The following EBF1 variants were observed in gnomAD, a reference collection of about 807,000 sequenced individuals.
EBF1 encodes EBF transcription factor 1, also known as transcription factor COE1.
EBF1 carries 10 observed loss-of-function variants against 68.4 expected under a neutral mutation model. The ratio of observed to expected loss-of-function variants is 0.15; its 90% CI spans 0.09 to 0.25. The LOEUF (loss-of-function observed/expected upper bound fraction) is 0.25, where lower values mean the gene tolerates loss of function less well. EBF1 is among the 10% of genes least tolerant of loss of function. EBF1 has a pLI of 1.00. For missense variants in EBF1, 509 were observed against 794.4 expected (o/e 0.64, Z 4.32); for synonymous variants, 298 against 299.8 (o/e 0.99, Z 0.06).
At chr5:158,823,901 T>C (rs1214753241) in intron 7 of EBF1, among the ~76,000 whole-genome samples, 1 of 151,054 alleles carries the variant, frequency 6.6e-6, no homozygotes. Context: ...CCCCAAAAAA[T>C]TCCTGCTAAT....
At chr5:158,868,384 G>T (rs914416577) in intron 6 of EBF1, among the ~76,000 whole-genome samples, 4 of 152,106 alleles carry the variant, frequency 2.6e-5, no homozygotes, top group Admixed American at 2.0e-4. Context: ...CTCCAAACAT[G>T]TTTTTATTAC....
intron 6 of EBF1, among the ~76,000 whole-genome samples, chr5:158,886,968 C>T (rs915390395): frequency 1.3e-5 from 2 of 152,112 alleles, no homozygotes; most frequent in Non-Finnish European, 2.9e-5. Context: ...TGCCATTGCA[C>T]TCCAGCCTGG....
chr5:158,765,565 C>T (rs1429375422), intron 10 of EBF1, among the ~76,000 whole-genome samples: 3 of 152,062 alleles, frequency 2.0e-5, no homozygotes, highest in African/African-American at 4.8e-5. Flanking sequence ...GCCTTCCACC[C>T]GTGATGTAAA....
At chr5:158,752,327 C>CAAAAA (rs199938065) in intron 10 of EBF1, among the ~76,000 whole-genome samples, 1 of 104,912 alleles carries the variant, frequency 9.5e-6, no homozygotes, top group Non-Finnish European at 2.1e-5. Flanking sequence ...GTATTTATTC[C>CAAAAA]AAAAAAAAAA....
intron 10 of EBF1, among the ~76,000 whole-genome samples, chr5:158,772,218 G>A (rs1774012601): frequency 6.6e-6 from 1 of 152,144 alleles, no homozygotes; most frequent in East Asian, 1.9e-4. Context: ...GATCCATTAG[G>A]TGCAAACTCT....
In EBF1 at chr5:158,941,106, A is replaced by G. The variant is rs1583336448; in HGVS notation, c.555-100996T>C. 1.6e-5 allele frequency: 7 copies of G among 441,494 alleles called. No homozygotes were observed. In the East Asian group the frequency reaches 2.1e-4, roughly 13 times the overall value. 27.3% of individuals were successfully genotyped at this position (441,494 alleles called of 1,614,324 possible). A position where few individuals can be genotyped will look rare whatever the true frequency, so the allele number is the denominator to read the frequency against. The stretch of plus-strand genomic sequence containing the variant: ...TCTGTTGCTGACTACCACCAGCTGT[A>G]TTGGGGTGGACAGAAAAAAGATGAA... On this transcript the variant is annotated intron_variant, in intron 6 of 15. Coordinates refer to ENST00000313708, the MANE Select transcript of EBF1 (RefSeq NM_024007.5).
chr5:158,855,065 A>G (rs1466718184), intron 6 of EBF1, among the ~76,000 whole-genome samples: 1 of 152,224 alleles, frequency 6.6e-6, no homozygotes, highest in Non-Finnish European at 1.5e-5. Context: ...CATAACAGAG[A>G]GCAAAATCTT....
chr5:158,816,783 G>A (rs545297162), intron 8 of EBF1, among the ~76,000 whole-genome samples: 15 of 151,784 alleles, frequency 9.9e-5, no homozygotes, highest in African/African-American at 1.9e-4. Context: ...TCAATAATAC[G>A]AAGCCATCTG....
intron 6 of EBF1, among the ~76,000 whole-genome samples, chr5:158,952,873 A>T (rs1019745293): frequency 6.6e-6 from 1 of 152,240 alleles, no homozygotes; most frequent in African/African-American, 2.4e-5. Flanking sequence ...AGGTATCTGA[A>T]CTTAAAAGAA....
chr5:158,724,106 G>C (rs886520038), intron 11 of EBF1, among the ~76,000 whole-genome samples: 6 of 152,180 alleles, frequency 3.9e-5, no homozygotes, highest in African/African-American at 1.2e-4. Context: ...AGATACAGGA[G>C]AGAGTGGGGG....
chr5:158,949,546 A>G (rs1293807029), intron 6 of EBF1, among the ~76,000 whole-genome samples: 1 of 152,266 alleles, frequency 6.6e-6, no homozygotes, highest in Non-Finnish European at 1.5e-5. Context: ...AGATCACAAT[A>G]GACAAACTAT....
chr5:158,761,356 T>G (rs1227501604), intron 10 of EBF1, among the ~76,000 whole-genome samples: 2 of 152,218 alleles, frequency 1.3e-5, no homozygotes, highest in Non-Finnish European at 2.9e-5. Flanking sequence ...ATGTTAACAT[T>G]AGCAGCGCCT....
intron 8 of EBF1, among the ~76,000 whole-genome samples, chr5:158,822,570 A>G (rs1002061638): frequency 6.6e-6 from 1 of 152,188 alleles, no homozygotes; most frequent in African/African-American, 2.4e-5. Flanking sequence ...GTCTACTTAC[A>G]GACAGCAAGT....
intron 10 of EBF1, among the ~76,000 whole-genome samples, chr5:158,770,007 T>C (rs959776808): frequency 6.6e-6 from 1 of 152,166 alleles, no homozygotes; most frequent in East Asian, 1.9e-4. Flanking sequence ...GAAAACACAT[T>C]CTTGCCTTCC....
chr5:158,926,777 T>C (rs372482378), intron 6 of EBF1, among the ~76,000 whole-genome samples: 6 of 152,050 alleles, frequency 3.9e-5, no homozygotes, highest in African/African-American at 1.4e-4. Flanking sequence ...AGAACTATCT[T>C]ATTTAAATTA....
At chr5:158,730,451 G>A (rs566545673) in intron 11 of EBF1, among the ~76,000 whole-genome samples, 1 of 152,282 alleles carries the variant, frequency 6.6e-6, no homozygotes, top group South Asian at 2.1e-4. Flanking sequence ...GGCAATTAAT[G>A]ATGTATTGGT....
Position 158,807,109 on chromosome 5 carries a change from G to A in EBF1, c.779-10634C>T, listed in dbSNP as rs148667028. ...ATCACAGGAAGTTCAATTGGATACC[G>A]CTGATCTCAGGATCAAGTTTTCATA... On this transcript the variant is annotated intron_variant, in intron 8 of 15. Transcript: ENST00000313708. Among the ~76,000 whole-genome samples the A allele has an allele frequency of 5.9e-5, 9 of 152,228 alleles. No homozygotes were observed. The East Asian group carries it at 7.7e-4, about 13-fold the overall frequency.
At chr5:158,816,559 G>C (rs1046182683) in intron 8 of EBF1, among the ~76,000 whole-genome samples, 4 of 152,202 alleles carry the variant, frequency 2.6e-5, no homozygotes, top group African/African-American at 9.6e-5. Context: ...ATTGCCCCTG[G>C]TGGGAGGGGA....
intron 11 of EBF1, among the ~76,000 whole-genome samples, chr5:158,729,201 T>A (rs1014926175): frequency 6.6e-6 from 1 of 152,214 alleles, no homozygotes; most frequent in African/African-American, 2.4e-5. Flanking sequence ...ATTTAGTGGA[T>A]GAGGACATTG....
Sources: allele counts gnomAD v4.1 joint callset (sites outside exome capture counted in the v4.1 genomes callset), GRCh38; gene constraint gnomAD v4.1.1; transcripts MANE v1.5; gene names NCBI Gene and HGNC (gene_info 2026-07-23, HGNC 2026-07-21).